Variants in OR51G2 observed in about 807,000 individuals in gnomAD.
OR51G2 encodes olfactory receptor 51G2.
In OR51G2, 13 loss-of-function variants were observed where a neutral mutation model predicts 11.8. The observed-to-expected ratio is 1.10, with a 90% CI of 0.72 to 1.76. The LOEUF (loss-of-function observed/expected upper bound fraction) is 1.76. OR51G2 is among the 40% of genes most tolerant of loss of function. The pLI, the probability that OR51G2 is intolerant of heterozygous loss-of-function variation, is 0.00. For synonymous variants in OR51G2, 178 were observed against 151.9 expected, an observed-to-expected ratio of 1.17 and a Z score of -1.26; for missense variants, 474 against 394.4, an observed-to-expected ratio of 1.20 and a Z score of -1.71.
In OR51G2 at chr11:4,914,016, G is replaced by C. The variant is rs1589937154; in HGVS notation, c.*703C>G. 1 of 152,176 alleles carries C rather than the reference G, an allele frequency of 6.6e-6. No individual in the cohort carries two copies. Among genetic ancestry groups the C allele is most frequent in the East Asian group, 1.9e-4 (1 of 5,204 alleles). The allele number at this position is 152,176 out of a possible 1,614,324, so 9.4% of individuals were successfully genotyped here. A position where few individuals can be genotyped will look rare whatever the true frequency, so the allele number is the denominator to read the frequency against. On this transcript the variant is annotated 3_prime_UTR_variant, in exon 2 of 2. Coordinates refer to ENST00000641926, the MANE Select transcript of OR51G2 (RefSeq NM_001005238.2). The stretch of plus-strand genomic sequence containing the variant: ...GTATAACGAATCTTCCCAAAATTTA[G>C]TGTCTTAAAAATATTTATTTTGTTT...
rs766133678 is a variant in OR51G2, at chr11:4,915,140, C to G, written c.524G>C (p.Gly175Ala). The G allele has an allele frequency of 1.2e-6, 2 of 1,613,740 alleles. No individual in the cohort carries two copies. Among genetic ancestry groups the G allele is most frequent in the Non-Finnish European group, 1.7e-6 (2 of 1,179,974 alleles). Reference sequence around the variant, plus strand: ...ATAAGAATGTGAGAGAACTGGGGAGCCACAATAGGGGAATCTTTTGAGCAT... The same window carrying G: ...ATAAGAATGTGAGAGAACTGGGGAGGCACAATAGGGGAATCTTTTGAGCAT... ...PFMLKRFPYCGSPVLSHSYCL... is the reference protein window; with the variant it reads ...PFMLKRFPYCASPVLSHSYCL... The change falls in exon 2 of 2, where the codon GGC (glycine) becomes GCC (alanine). Residue 175 changes from glycine to alanine, a missense_variant. Gly to Ala is a moderately conservative substitution (Grantham distance 60). Coordinates refer to ENST00000641926, the MANE Select transcript of OR51G2 (RefSeq NM_001005238.2).
chr11:4,913,492 C>A lies in OR51G2; in HGVS notation c.*1227G>T, dbSNP rs1010422687. The A allele has an allele frequency of 4.6e-5, 7 of 152,174 alleles. No individual in the cohort carries two copies. Among genetic ancestry groups the A allele is most frequent in the African/African-American group, 1.4e-4 (6 of 41,442 alleles). 9.4% of individuals were successfully genotyped at this position (152,174 alleles called of 1,614,324 possible). On this transcript the variant is annotated 3_prime_UTR_variant, in exon 2 of 2. Transcript: ENST00000641926. ...TTCAAGCTTGCTTTCCTCACAGTTA[C>A]CTCCAAGCCCAAACTGCAAATACTA...
chr11:4,917,189 C>T (rs1471650080), intron 1 of OR51G2, among the ~76,000 whole-genome samples: 1 of 152,022 alleles, frequency 6.6e-6, no homozygotes, highest in Non-Finnish European at 1.5e-5. Flanking sequence ...ATTTCGCTAA[C>T]TAATAGTAAC....
chr11:4,917,561 T>C (rs74052616), intron 1 of OR51G2, among the ~76,000 whole-genome samples: 1,789 of 152,290 alleles, frequency 0.012, 35 homozygotes, highest in African/African-American at 0.041. Flanking sequence ...ATTAATAGTT[T>C]GGGCCGTTAA....
chr11:4,917,763 T>C (rs1851120005), intron 1 of OR51G2, among the ~76,000 whole-genome samples: 1 of 152,048 alleles, frequency 6.6e-6, no homozygotes, highest in African/African-American at 2.4e-5. Flanking sequence ...TAGAATCAGG[T>C]TTTATTGTTT....
Position 4,914,444 on chromosome 11 carries a change from C to T in OR51G2, c.*275G>A, listed in dbSNP as rs1851041494. On this transcript the variant is annotated 3_prime_UTR_variant, in exon 2 of 2. Coordinates refer to ENST00000641926, the MANE Select transcript of OR51G2 (RefSeq NM_001005238.2). ...AGGGGAGAAGAAGTAGACCCTATCT[C>T]TTTATGAGGAGTAGCAAGTTCCTGG... 1 of 381,156 alleles carries T rather than the reference C, an allele frequency of 2.6e-6. No homozygotes were observed. The highest frequency in any genetic ancestry group is 4.6e-5 in the East Asian group (1 of 21,802). 23.6% of individuals were successfully genotyped at this position (381,156 alleles called of 1,614,324 possible).
Position 4,915,079 on chromosome 11 carries a change from G to A in OR51G2, c.585C>T (p.Ala195=), listed in dbSNP as rs143085523. ...LHQEVMKLAC[A]DMKANSIYGM... is the part of the protein sequence containing the mutation. ...CGTAGATGCTGTTGGCCTTCATGTC[G>A]GCACAGGCCAATTTCATCACTTCTT... The change falls in exon 2 of 2, where the codon GCC becomes GCT. Residue 195 remains alanine (A), a synonymous_variant. Coordinates refer to ENST00000641926, the MANE Select transcript of OR51G2 (RefSeq NM_001005238.2). 225 of 1,614,000 alleles carry A rather than the reference G, an allele frequency of 1.4e-4. No individual in the cohort carries two copies. The highest frequency in any genetic ancestry group is 3.3e-4 in the Middle Eastern group (2 of 6,060).
chr11:4,916,450 C>T (rs1419477559), intron 1 of OR51G2, among the ~76,000 whole-genome samples: 1 of 151,640 alleles, frequency 6.6e-6, no homozygotes, highest in East Asian at 1.9e-4. Context: ...CTCTCACTAA[C>T]ATTCTAACTT....
rs60718970 is a variant in OR51G2, at chr11:4,915,491, C to G, written c.173G>C (p.Arg58Pro). Reference sequence around the variant, plus strand: ...GAGATACATAGGTTCATGAAGTGAGCGCTCTGTTTTAATGATAAAAAGAAT... The same window carrying G: ...GAGATACATAGGTTCATGAAGTGAGGGCTCTGTTTTAATGATAAAAAGAAT... ...CTILFIIKTE[R>P]SLHEPMYLFL... is the part of the protein sequence containing the mutation. Residue 58 changes from arginine to proline, a missense_variant, in exon 2 of 2, where the codon CGC (arginine) becomes CCC (proline). By Grantham distance (103) the Arg-to-Pro change is moderately radical. Coordinates refer to ENST00000641926, the MANE Select transcript of OR51G2 (RefSeq NM_001005238.2). 2 of 1,613,880 alleles carry G rather than the reference C, an allele frequency of 1.2e-6. No individual in the cohort carries two copies. Among genetic ancestry groups the G allele is most frequent in the African/African-American group, 2.7e-5 (2 of 74,868 alleles).
chr11:4,917,931 T>A (rs1394413343), intron 1 of OR51G2, among the ~76,000 whole-genome samples: 1 of 151,164 alleles, frequency 6.6e-6, no homozygotes, highest in African/African-American at 2.4e-5. Context: ...CCACCCTATT[T>A]CATTTTAATG....
intron 1 of OR51G2, among the ~76,000 whole-genome samples, chr11:4,917,610 G>A (rs936119325): frequency 3.3e-5 from 5 of 152,254 alleles, no homozygotes; most frequent in East Asian, 1.9e-4. Flanking sequence ...CTCTCACACC[G>A]TGCTCCTCAG....
At position 4,912,968 on chromosome 11, in the gene OR51G2, A is replaced by C. The variant is rs1032796483; in HGVS notation, c.*1751T>G. On this transcript the variant is annotated 3_prime_UTR_variant, in exon 2 of 2. Coordinates refer to ENST00000641926, the MANE Select transcript of OR51G2 (RefSeq NM_001005238.2). Reference sequence around the variant, plus strand: ...GGAAAAGAAAAAAAAAACAAGCTGTAACTATTCAAATTACTATAACTCACA... The same window carrying C: ...GGAAAAGAAAAAAAAAACAAGCTGTCACTATTCAAATTACTATAACTCACA... 3 of 152,126 alleles carry C rather than the reference A, an allele frequency of 2.0e-5. No individual in the cohort carries two copies. Among genetic ancestry groups the C allele is most frequent in the African/African-American group, 7.2e-5 (3 of 41,446 alleles). 9.4% of individuals were successfully genotyped at this position (152,126 alleles called of 1,614,324 possible). A position where few individuals can be genotyped will look rare whatever the true frequency, so the allele number is the denominator to read the frequency against.
At position 4,915,554 on chromosome 11, in the gene OR51G2, C is replaced by T; in HGVS notation, c.110G>A (p.Cys37Tyr). Residue 37 changes from cysteine to tyrosine, a missense_variant, in exon 2 of 2, where the codon TGC (cysteine) becomes TAC (tyrosine). Transcript: ENST00000641926. Reference sequence around the variant, plus strand: ...CGGGATGGAAACCAGATACATGAAGCACAGTGGGATGGAGATCCAGATGTG... The same window carrying T: ...CGGGATGGAAACCAGATACATGAAGTACAGTGGGATGGAGATCCAGATGTG... ...RMHIWISIPL[C>Y]FMYLVSIPGN... is the part of the protein sequence containing the mutation. The T allele has an allele frequency of 6.2e-7, 1 of 1,614,046 alleles. No homozygotes were observed. Among genetic ancestry groups the T allele is most frequent in the Non-Finnish European group, 8.5e-7 (1 of 1,179,984 alleles).
chr11:4,916,500 T>C (rs1331806601), intron 1 of OR51G2, among the ~76,000 whole-genome samples: 1 of 152,208 alleles, frequency 6.6e-6, no homozygotes, highest in African/African-American at 2.4e-5. Context: ...CTTACTGTGC[T>C]TTCTTTGTTA....
rs973885017 is a variant in OR51G2, at chr11:4,914,797, A to C, written c.867T>G (p.Pro289=). Residue 289 remains proline, a synonymous_variant, in exon 2 of 2, where the codon CCT becomes CCG. Coordinates refer to ENST00000641926, the MANE Select transcript of OR51G2 (RefSeq NM_001005238.2). ...TGTAGACAATGGGATTCATCACAGGAGGAAAGAGAAGATACATGAAACCCA... is the reference window on the plus strand; with the variant it reads ...TGTAGACAATGGGATTCATCACAGGCGGAAAGAGAAGATACATGAAACCCA... ...VVMGFMYLLF[P]PVMNPIVYSV... 1.9e-6 allele frequency: 3 copies of C among 1,613,992 alleles called. No individual in the cohort carries two copies. The Admixed American group carries it at 5.0e-5, about 27-fold the overall frequency.
Position 4,914,833 on chromosome 11 carries a change from G to C in OR51G2, c.831C>G (p.Val277=), listed in dbSNP as rs1243026636. The C allele has an allele frequency of 1.2e-6, 2 of 1,613,876 alleles. No individual in the cohort carries two copies. Among genetic ancestry groups the C allele is most frequent in the African/African-American group, 1.3e-5 (1 of 74,880 alleles). ...GATACATGAAACCCATGACCACCTG[G>C]ACCAGGTGGGGTGCCTGCTTTCCAA... The part of the protein sequence containing the change: ...HRFGKQAPHL[V]QVVMGFMYLL... Residue 277 remains valine (V), a synonymous_variant, in exon 2 of 2, where the codon GTC becomes GTG. Transcript: ENST00000641926.
Position 4,913,928 on chromosome 11 carries a change from T to G in OR51G2, c.*791A>C, listed in dbSNP as rs899432975. On this transcript the variant is annotated 3_prime_UTR_variant, in exon 2 of 2. Coordinates refer to ENST00000641926, the MANE Select transcript of OR51G2 (RefSeq NM_001005238.2). ...TTTTCTGATGCTCCCTTCCCCCAGC[T>G]AGGGGAAGACAACTCCCAAACCAAT... 4 of 152,210 alleles carry G rather than the reference T, an allele frequency of 2.6e-5. No individual in the cohort carries two copies. The highest frequency in any genetic ancestry group is 9.6e-5 in the African/African-American group (4 of 41,470). The allele number at this position is 152,210 out of a possible 1,614,324, so 9.4% of individuals were successfully genotyped here. A position where few individuals can be genotyped will look rare whatever the true frequency, so the allele number is the denominator to read the frequency against.
At chr11:4,917,414 T>G (rs1851113727) in intron 1 of OR51G2, among the ~76,000 whole-genome samples, 1 of 152,202 alleles carries the variant, frequency 6.6e-6, no homozygotes, top group East Asian at 1.9e-4. Flanking sequence ...AGATAATAAT[T>G]CAGTGTCAAG....
chr11:4,916,040 C>A (rs566225172), intron 1 of OR51G2, among the ~76,000 whole-genome samples: 1 of 152,190 alleles, frequency 6.6e-6, no homozygotes, highest in South Asian at 2.1e-4. Flanking sequence ...ACCCAGGGGC[C>A]AGGTGCAGTG....
Sources: gnomAD v4.1 joint callset for allele counts (sites outside exome capture counted in the v4.1 genomes callset) on GRCh38, gnomAD v4.1.1 for gene constraint, MANE v1.5 for transcripts, NCBI Gene and HGNC (gene_info 2026-07-23, HGNC 2026-07-21) for gene names.